Variants in TBX15 observed in about 807,000 individuals in gnomAD.
TBX15 encodes T-box transcription factor TBX15.
Under a neutral mutation model 53.9 loss-of-function variants are expected in TBX15, and 18 were observed. The ratio of observed to expected loss-of-function variants is 0.33; its 90% confidence interval spans 0.23 to 0.49. The LOEUF is 0.49. TBX15 is among the 20% of genes least tolerant of loss of function. The pLI is 0.98. For missense variants in TBX15, 692 were observed against 749.5 expected, an observed-to-expected ratio of 0.92 and a Z score of 0.90; for synonymous variants, 295 against 278.0, an observed-to-expected ratio of 1.06 and a Z score of -0.61.
intron 1 of TBX15, among the ~76,000 whole-genome samples, chr1:118,955,246 TA>T (rs58623472): frequency 0.35 from 52,131 of 149,826 alleles, 9,720 homozygotes; most frequent in East Asian, 0.58. Flanking sequence ...ACAATGTGAT[TA>T]AAAAAAAAAA....
chr1:118,891,580 CT>C (rs1475593127), intron 7 of TBX15, among the ~76,000 whole-genome samples: 8 of 152,278 alleles, frequency 5.3e-5, no homozygotes, highest in African/African-American at 1.4e-4. Context: ...ATATTCCCCC[CT>C]ACCACAGTAA....
intron 7 of TBX15, among the ~76,000 whole-genome samples, chr1:118,890,122 A>C (rs1201008402): frequency 6.6e-6 from 1 of 152,180 alleles, no homozygotes; most frequent in Admixed American, 6.5e-5. Context: ...ATGCTAGAGG[A>C]ACCTCCATCA....
intron 5 of TBX15, among the ~76,000 whole-genome samples, 178 bp downstream of exon 5, chr1:118,923,258 T>C (rs1215031913): frequency 6.6e-6 from 1 of 152,184 alleles, no homozygotes; most frequent in Admixed American, 6.5e-5. Flanking sequence ...AAGGAAAATC[T>C]GAAGTTGAAA....
chr1:118,931,498 G>T, intron 2 of TBX15, 121 bp downstream of exon 2: 1 of 1,015,138 alleles, frequency 9.9e-7, no homozygotes, highest in Non-Finnish European at 1.5e-6. Flanking sequence ...ATGCAGAGAA[G>T]TGAGTGCAAG....
intron 7 of TBX15, among the ~76,000 whole-genome samples, chr1:118,893,424 A>AGAAG (rs1654254238): frequency 1.5e-5 from 2 of 134,624 alleles, no homozygotes; most frequent in African/African-American, 6.3e-5. Context: ...AAGGAAAGAA[A>AGAAG]GATGGAAGGA....
intron 6 of TBX15, among the ~76,000 whole-genome samples, chr1:118,903,468 A>G (rs2101525311): frequency 6.6e-6 from 1 of 152,300 alleles, no homozygotes; most frequent in South Asian, 2.1e-4. Flanking sequence ...ACTCCAATGC[A>G]TATTTCTGCT....
At position 118,883,730 on chromosome 1, in the gene TBX15, A is replaced by T. The variant is rs1454719293; in HGVS notation, c.*1002T>A. On this transcript the variant is annotated 3_prime_UTR_variant, in exon 8 of 8. Coordinates refer to ENST00000369429, the MANE Select transcript of TBX15 (RefSeq NM_001330677.2). ...CAGTGGTCAAAGCTGTGGGCTCAGG[A>T]TGCATTCCTTGCTCTGTCCCTCTGA... The T allele has an allele frequency of 6.6e-6, 1 of 151,230 alleles. No individual in the cohort carries two copies. The highest frequency in any genetic ancestry group is 1.5e-5 in the Non-Finnish European group (1 of 67,844). 9.4% of individuals were successfully genotyped at this position (151,230 alleles called of 1,614,324 possible).
intron 7 of TBX15, among the ~76,000 whole-genome samples, chr1:118,891,255 A>G (rs1233145718): frequency 1.3e-5 from 2 of 152,156 alleles, no homozygotes; most frequent in African/African-American, 4.8e-5. Flanking sequence ...TATTCATCCA[A>G]TTCTCATTTT....
At position 118,884,967 on chromosome 1, in the gene TBX15, G is replaced by T. The variant is rs1299312552; in HGVS notation, c.1574C>A (p.Ser525Tyr). The T allele has an allele frequency of 6.2e-7, 1 of 1,614,182 alleles. No homozygotes were observed. The highest frequency in any genetic ancestry group is 1.7e-5 in the Admixed American group (1 of 60,022). The change falls in exon 8 of 8, where the codon TCC (serine) becomes TAC (tyrosine). Residue 525 changes from serine (S) to tyrosine (Y), a missense_variant. Ser to Tyr is a moderately radical substitution (Grantham distance 144). This residue lies in a region of TBX15 where 375 missense variants were observed against 371.6 expected (regional missense o/e 1.01). Transcript: ENST00000369429. ...YNLYGYNFPTSPRLAASPEKL... is the reference protein window; with the variant it reads ...YNLYGYNFPTYPRLAASPEKL... ...TTCCGGGCTTGCAGCTAGCCTAGGG[G>T]AAGTGGGGAAATTGTATCCATACAG... is the stretch of plus-strand genomic sequence containing the variant.
At chr1:118,955,216 C>T (rs947929677) in intron 1 of TBX15, among the ~76,000 whole-genome samples, 3 of 151,298 alleles carry the variant, frequency 2.0e-5, no homozygotes, top group African/African-American at 7.3e-5. Context: ...TTTAAAATGC[C>T]ATCTGCCCTT....
intron 1 of TBX15, among the ~76,000 whole-genome samples, chr1:118,936,443 G>A (rs934829657): frequency 1.3e-5 from 2 of 152,044 alleles, no homozygotes; most frequent in Non-Finnish European, 2.9e-5. Flanking sequence ...TACTCCTGTG[G>A]CTCTGCTACT....
chr1:118,893,360 A>AAGGAAGGAAG (rs1557872549), intron 7 of TBX15, among the ~76,000 whole-genome samples: 2 of 28,186 alleles, frequency 7.1e-5, no homozygotes, highest in African/African-American at 3.2e-4. Flanking sequence ...AAGGAAGGAA[A>AAGGAAGGAAG]GAAAGAAAGA....
chr1:118,949,518 T>G (rs111282751), intron 1 of TBX15, among the ~76,000 whole-genome samples: 21 of 152,216 alleles, frequency 1.4e-4, no homozygotes, highest in Non-Finnish European at 2.9e-4. Flanking sequence ...GTCCTGGTGA[T>G]TTACTTTGTG....
At chr1:118,890,412 A>G (rs938075054) in intron 7 of TBX15, among the ~76,000 whole-genome samples, 1 of 152,200 alleles carries the variant, frequency 6.6e-6, no homozygotes, top group Non-Finnish European at 1.5e-5. Flanking sequence ...TAAGTAGCTT[A>G]AAACTTTCAG....
chr1:118,980,915 C>T (rs1393521771), intron 1 of TBX15, among the ~76,000 whole-genome samples: 2 of 152,046 alleles, frequency 1.3e-5, no homozygotes, highest in Non-Finnish European at 1.5e-5. Flanking sequence ...TCATTGCAAC[C>T]TCCGCCTCCC....
chr1:118,947,256 T>G (rs1296593331), intron 1 of TBX15, among the ~76,000 whole-genome samples: 1 of 152,244 alleles, frequency 6.6e-6, no homozygotes, highest in Non-Finnish European at 1.5e-5. Flanking sequence ...GAGCTCAGTT[T>G]GTCTGCTACC....
intron 2 of TBX15, among the ~76,000 whole-genome samples, chr1:118,930,023 A>G (rs1157656383): frequency 6.6e-6 from 1 of 152,210 alleles, no homozygotes; most frequent in Non-Finnish European, 1.5e-5. Flanking sequence ...TATTGAACAC[A>G]GTTATCCAGC....
intron 1 of TBX15, among the ~76,000 whole-genome samples, chr1:118,967,288 A>G (rs970899250): frequency 1.2e-4 from 18 of 152,166 alleles, no homozygotes; most frequent in African/African-American, 3.9e-4. Context: ...ATTGCTTTGT[A>G]TTGTTTTCAC....
At chr1:118,897,267 G>A (rs1654462027) in intron 7 of TBX15, among the ~76,000 whole-genome samples, 1 of 152,164 alleles carries the variant, frequency 6.6e-6, no homozygotes, top group South Asian at 2.1e-4. Context: ...AAGTTTGAGA[G>A]TGGCTCTGCC....
Sources: allele counts gnomAD v4.1 joint callset (sites outside exome capture counted in the v4.1 genomes callset), GRCh38; gene constraint gnomAD v4.1.1; regional missense constraint gnomAD v4.1.1; transcripts MANE v1.5; gene names NCBI Gene and HGNC (gene_info 2026-07-23, HGNC 2026-07-21).